DYNC2H1: variants seen among roughly 807,000 people sequenced by gnomAD.
DYNC2H1 encodes dynein cytoplasmic 2 heavy chain 1.
In DYNC2H1, 410 loss-of-function variants were observed where a neutral mutation model predicts 570.0. The observed-to-expected ratio is 0.72, with a 90% confidence interval of 0.66 to 0.78. The LOEUF (loss-of-function observed/expected upper bound fraction) is 0.78, where lower values mean the gene tolerates loss of function less well. DYNC2H1 is among the 30% of genes least tolerant of loss of function. The probability of loss-of-function intolerance (pLI) is 0.00; values close to 1 mark genes in which losing one functional copy is unlikely to be tolerated. For synonymous variants in DYNC2H1, 1,688 were observed against 1,677.6 expected (o/e 1.01, Z -0.15); for missense variants, 4,865 against 5,046.4 (o/e 0.96, Z 1.09).
Position 103,254,092 on chromosome 11 carries a change from T to C in DYNC2H1, c.10206+644T>C, listed in dbSNP as rs983790723. On this transcript the variant is annotated intron_variant, in intron 66 of 88. Coordinates refer to ENST00000375735, the MANE Select transcript of DYNC2H1 (RefSeq NM_001377.3). This position sits in a 1 kb window ranked among gnomAD's most constrained non-coding sequence, Gnocchi z 4.9. ...TTTGATTTATATGATAGCATACATATTTGCTGCAATTTTTACTTGATTGTA... is the reference window on the plus strand; with the variant it reads ...TTTGATTTATATGATAGCATACATACTTGCTGCAATTTTTACTTGATTGTA... 6.6e-6 allele frequency among the ~76,000 whole-genome samples: 1 copy of C among 152,204 alleles called. No individual in the cohort carries two copies. The highest frequency in any genetic ancestry group is 6.5e-5 in the Admixed American group (1 of 15,278).
chr11:103,349,431 CAGT>C (rs907053419), intron 82 of DYNC2H1, among the ~76,000 whole-genome samples: 2 of 151,956 alleles, frequency 1.3e-5, no homozygotes, highest in African/African-American at 4.8e-5. Context: ...TTTTTACTAT[CAGT>C]AGGTAGGATT....
rs1865274099 is a variant in DYNC2H1, at chr11:103,261,334, GCTTGAGCTCT to G, written c.10695+1358_10695+1367del. 2.6e-5 allele frequency among the ~76,000 whole-genome samples: 4 copies of G among 152,218 alleles called. No individual in the cohort carries two copies. The highest frequency in any genetic ancestry group is 5.9e-5 in the Non-Finnish European group (4 of 68,042). On this transcript the variant is annotated intron_variant, in intron 70 of 88. Transcript: ENST00000375735. The surrounding 1 kb of genome is among the most constrained non-coding windows in gnomAD (Gnocchi z 4.8). ...GAGAGCATCGGATCTCCAACACAGAGCTTGAGCTCTGCTAAGGGACAGATTGCCTTCTCAA... is the reference window on the plus strand; with the variant it reads ...GAGAGCATCGGATCTCCAACACAGAGGCTAAGGGACAGATTGCCTTCTCAA...
chr11:103,243,897 G>C lies in DYNC2H1; in HGVS notation c.9918+106G>C. On this transcript the variant is annotated intron_variant, in intron 64 of 88. Coordinates refer to ENST00000375735, the MANE Select transcript of DYNC2H1 (RefSeq NM_001377.3). The surrounding 1 kb of genome is among the most constrained non-coding windows in gnomAD (Gnocchi z 4.8). ...CATAGATTCAACACTGGGTCCTACTGTATGGGACCTTGGGCGAGAGATATA... is the reference window on the plus strand; with the variant it reads ...CATAGATTCAACACTGGGTCCTACTCTATGGGACCTTGGGCGAGAGATATA... The C allele has an allele frequency of 1.4e-6, 1 of 712,724 alleles. No individual in the cohort carries two copies. The allele number at this position is 712,724 out of a possible 1,614,324, so 44.1% of individuals were successfully genotyped here.
chr11:103,419,567 TAA>T (rs34062997), intron 84 of DYNC2H1, among the ~76,000 whole-genome samples: 1 of 133,922 alleles, frequency 7.5e-6, no homozygotes, highest in Non-Finnish European at 1.6e-5. Context: ...CCTGACTGGT[TAA>T]AAAAAAAAAA....
At chr11:103,437,654 A>G (rs1944111514) in intron 85 of DYNC2H1, among the ~76,000 whole-genome samples, 3 of 152,178 alleles carry the variant, frequency 2.0e-5, no homozygotes, top group African/African-American at 7.2e-5. Context: ...GAAGGAAGAA[A>G]GGGAGAAAGT....
At position 103,363,443 on chromosome 11, in the gene DYNC2H1, T is replaced by C. The variant is rs1940753853; in HGVS notation, c.12156+5084T>C. On this transcript the variant is annotated intron_variant, in intron 83 of 88. Coordinates refer to ENST00000375735, the MANE Select transcript of DYNC2H1 (RefSeq NM_001377.3). This position sits in a 1 kb window ranked among gnomAD's most constrained non-coding sequence, Gnocchi z 5.6. The stretch of plus-strand genomic sequence containing the variant: ...TGGAATTTAGCAATTTCAAAATTGC[T>C]GTTAGGGGTTTAGATTAATACTCAA... Among the ~76,000 whole-genome samples the C allele has an allele frequency of 6.6e-6, 1 of 152,226 alleles. No homozygotes were observed. Among genetic ancestry groups the C allele is most frequent in the African/African-American group, 2.4e-5 (1 of 41,466 alleles).
chr11:103,366,331 TAA>T (rs760502558), intron 83 of DYNC2H1, among the ~76,000 whole-genome samples: 5 of 152,078 alleles, frequency 3.3e-5, no homozygotes, highest in African/African-American at 7.2e-5. Flanking sequence ...GAGTCAAAGT[TAA>T]AGTCTTTGTG....
At chr11:103,171,249 A>G (rs1165494496) in intron 34 of DYNC2H1, among the ~76,000 whole-genome samples, 181 bp downstream of exon 34, 1 of 151,298 alleles carries the variant, frequency 6.6e-6, no homozygotes, top group Non-Finnish European at 1.5e-5. Flanking sequence ...TTTTGGTCCT[A>G]CTTTCATTAT....
chr11:103,289,846 G>T lies in DYNC2H1; in HGVS notation c.11095+2241G>T, dbSNP rs1300589379. On this transcript the variant is annotated intron_variant, in intron 75 of 88. Coordinates refer to ENST00000375735, the MANE Select transcript of DYNC2H1 (RefSeq NM_001377.3). The surrounding 1 kb of genome is among the most constrained non-coding windows in gnomAD (Gnocchi z 4.2). ...AATTTGACATCCTATATTTAGTTAC[G>T]ATATTTGGACTGAGTGTTCCTCAAT... Among the ~76,000 whole-genome samples the T allele has an allele frequency of 6.6e-6, 1 of 152,082 alleles. No individual in the cohort carries two copies. Among genetic ancestry groups the T allele is most frequent in the East Asian group, 1.9e-4 (1 of 5,158 alleles).
At chr11:103,147,272 C>G (rs61898614) in intron 18 of DYNC2H1, among the ~76,000 whole-genome samples, 1 of 152,000 alleles carries the variant, frequency 6.6e-6, no homozygotes, top group Non-Finnish European at 1.5e-5. Flanking sequence ...CCATTCATTA[C>G]ATTTTTTTTC....
Position 103,177,774 on chromosome 11 carries a change from T to C in DYNC2H1, c.6093T>C (p.Asp2031=). 1.9e-6 allele frequency: 3 copies of C among 1,613,168 alleles called. No individual in the cohort carries two copies. Among genetic ancestry groups the C allele is most frequent in the African/African-American group, 1.3e-5 (1 of 75,028 alleles). The stretch of plus-strand genomic sequence containing the variant: ...ACATGGACACAAGAGAATGGTCTGA[T>C]GGTGTTTTGACAAATAGTGCTCGTC... ...HIDMDTREWS[D]GVLTNSARQV... is the part of the protein sequence containing the mutation. Residue 2031 remains aspartate, a synonymous_variant, in exon 38 of 89, where the codon GAT becomes GAC. Transcript: ENST00000375735. This position sits in a 1 kb window ranked among gnomAD's most constrained non-coding sequence, Gnocchi z 4.4.
At chr11:103,359,656 TTTTTTTTTTTAC>T (rs1270338893) in intron 83 of DYNC2H1, among the ~76,000 whole-genome samples, 12 of 33,978 alleles carry the variant, frequency 3.5e-4, no homozygotes, top group Admixed American at 3.4e-3. Context: ...CTCATTTACT[TTTTTTTTTTTAC>T]TTTTTTTTTT....
chr11:103,133,143 C>A lies in DYNC2H1; in HGVS notation c.1954-412C>A, dbSNP rs968173850. 6.6e-6 allele frequency among the ~76,000 whole-genome samples: 1 copy of A among 152,124 alleles called. No homozygotes were observed. Among genetic ancestry groups the A allele is most frequent in the Non-Finnish European group, 1.5e-5 (1 of 68,022 alleles). On this transcript the variant is annotated intron_variant, in intron 13 of 88. Coordinates refer to ENST00000375735, the MANE Select transcript of DYNC2H1 (RefSeq NM_001377.3). The surrounding 1 kb of genome is among the most constrained non-coding windows in gnomAD (Gnocchi z 4.8). ...TTTTCTCTTGTTAGGCTGCTGTTTT[C>A]CTAGCCCTTTATAGGAGGTTTTTGA...
At chr11:103,377,538 T>C (rs568534848) in intron 83 of DYNC2H1, among the ~76,000 whole-genome samples, 34 of 152,314 alleles carry the variant, frequency 2.2e-4, no homozygotes, top group African/African-American at 8.2e-4. Flanking sequence ...ATTATAATTA[T>C]AGATATTGGT....
In DYNC2H1 at chr11:103,220,802, G is replaced by GA; in HGVS notation, c.9107+24dup. On this transcript the variant is annotated intron_variant, in intron 57 of 88. Transcript: ENST00000375735. ...TGAAAAGGTACATTTTTCAATTTGTGAAAAATATTATTTCGGCAATGAATG... is the reference window on the plus strand; with the variant it reads ...TGAAAAGGTACATTTTTCAATTTGTGAAAAAATATTATTTCGGCAATGAATG... 1 of 1,588,246 alleles carries GA rather than the reference G, an allele frequency of 6.3e-7. No individual in the cohort carries two copies. Among genetic ancestry groups the GA allele is most frequent in the South Asian group, 1.2e-5 (1 of 85,472 alleles).
chr11:103,150,162 A>G (rs960358681), intron 20 of DYNC2H1, among the ~76,000 whole-genome samples: 9 of 152,240 alleles, frequency 5.9e-5, no homozygotes, highest in African/African-American at 2.2e-4. Context: ...AGATGCTTTT[A>G]GAAATTGTAA....
chr11:103,420,720 G>T (rs1402914989), intron 84 of DYNC2H1, among the ~76,000 whole-genome samples: 1 of 152,182 alleles, frequency 6.6e-6, no homozygotes, highest in Non-Finnish European at 1.5e-5. Flanking sequence ...AAAAGCTCCT[G>T]CAGGAAGCAC....
At chr11:103,197,881 A>C in intron 47 of DYNC2H1, 52 bp from the exon 48 acceptor site, 1 of 1,524,536 alleles carries the variant, frequency 6.6e-7, no homozygotes, top group Admixed American at 2.1e-5. Context: ...TATTTGTTGA[A>C]CTCTCATTAC....
At position 103,479,051 on chromosome 11, in the gene DYNC2H1, A is replaced by G. The variant is rs749710096; in HGVS notation, c.12766-44A>G. 11 of 1,598,924 alleles carry G rather than the reference A, an allele frequency of 6.9e-6. No individual in the cohort carries two copies. The Admixed American group carries it at 1.5e-4, about 22-fold the overall frequency. On this transcript the variant is annotated intron_variant, in intron 88 of 88. Transcript: ENST00000375735. Reference sequence around the variant, plus strand: ...TTGGTTATCTAATAATCTGTTTCCAAATAGTGTATTGCTTTATTTTAAAAC... The same window carrying G: ...TTGGTTATCTAATAATCTGTTTCCAGATAGTGTATTGCTTTATTTTAAAAC...
Sources: allele counts gnomAD v4.1 joint callset (sites outside exome capture counted in the v4.1 genomes callset), GRCh38; gene constraint gnomAD v4.1.1; non-coding constraint Gnocchi (gnomAD v3.1); transcripts MANE v1.5; gene names NCBI Gene and HGNC (gene_info 2026-07-23, HGNC 2026-07-21).